ATP13A4: variants seen among roughly 807,000 people sequenced by gnomAD.
ATP13A4 encodes the protein probable cation-transporting ATPase 13A4.
ATP13A4 carries 114 observed loss-of-function variants against 142.5 expected under a neutral mutation model. That is an observed-to-expected ratio of 0.80 (90% CI 0.69 to 0.93). The LOEUF is 0.93. Among genes scored for constraint, ATP13A4 ranks in the 40% least tolerant of loss-of-function variants. The pLI, the probability that ATP13A4 is intolerant of heterozygous loss-of-function variation, is 0.00. For missense variants in ATP13A4, 1,392 were observed against 1,454.0 expected (o/e 0.96, Z 0.69); for synonymous variants, 488 against 514.8 (o/e 0.95, Z 0.70).
chr3:193,450,796 C>T (rs908733568), intron 17 of ATP13A4, among the ~76,000 whole-genome samples: 2 of 152,246 alleles, frequency 1.3e-5, no homozygotes, highest in Middle Eastern at 3.4e-3. Flanking sequence ...TCTGAGCCCC[C>T]GTCCCATCTA....
rs901542725 is a variant in ATP13A4 at position 193,457,712 on chromosome 3, T to C, written c.1675-247A>G. 3.3e-5 allele frequency among the ~76,000 whole-genome samples: 5 copies of C among 152,262 alleles called. No homozygotes were observed. In the East Asian group the frequency reaches 5.8e-4, roughly 18 times the overall value. On this transcript the variant is annotated intron_variant, in intron 14 of 29. Transcript: ENST00000342695. ...ATTTATCTTGTTTTCTCTGTTGGAA[T>C]GTGCTGTGTAAAGGCTCAGTCTCCA...
At chr3:193,538,495 A>AT (rs1722703018) in intron 1 of ATP13A4, among the ~76,000 whole-genome samples, 2 of 140,966 alleles carry the variant, frequency 1.4e-5, no homozygotes, top group Admixed American at 7.0e-5. Context: ...AAGAATCCAC[A>AT]TTAAAAAAAA....
Position 193,435,717 on chromosome 3 carries a change from G to A in ATP13A4, c.2700C>T (p.Ser900=). ...GAGCCATGTACTTAAACATGCAAAAGGAGGTAACGAGAGCTGCACGTCCTT... is the reference window on the plus strand; with the variant it reads ...GAGCCATGTACTTAAACATGCAAAAAGAGGTAACGAGAGCTGCACGTCCTT... ...IKEGRAALVT[S]FCMFKYMALY... is the part of the protein sequence containing the mutation. The change falls in exon 24 of 30, where the codon TCC becomes TCT. Residue 900 remains serine (S), a synonymous_variant. Coordinates refer to ENST00000342695, the MANE Select transcript of ATP13A4 (RefSeq NM_032279.4). 6.2e-7 allele frequency: 1 copy of A among 1,613,994 alleles called. No homozygotes were observed. The highest frequency in any genetic ancestry group is 8.5e-7 in the Non-Finnish European group (1 of 1,179,920).
intron 8 of ATP13A4, among the ~76,000 whole-genome samples, chr3:193,481,788 G>A (rs1479002218): frequency 6.6e-6 from 1 of 152,104 alleles, no homozygotes; most frequent in African/African-American, 2.4e-5. Flanking sequence ...AATCTTATTT[G>A]TGACCATTGT....
chr3:193,542,815 T>C (rs941738885), intron 1 of ATP13A4, among the ~76,000 whole-genome samples: 9 of 152,160 alleles, frequency 5.9e-5, no homozygotes, highest in African/African-American at 2.2e-4. Flanking sequence ...TTACACCTTA[T>C]ACAAAAATTA....
chr3:193,533,431 T>C (rs1334799278), intron 1 of ATP13A4, among the ~76,000 whole-genome samples: 1 of 152,106 alleles, frequency 6.6e-6, no homozygotes, highest in African/African-American at 2.4e-5. Context: ...TGCCAGCATA[T>C]GTTGCTCTAA....
intron 24 of ATP13A4, among the ~76,000 whole-genome samples, chr3:193,434,453 C>T (rs1321669389): frequency 6.6e-6 from 1 of 152,160 alleles, no homozygotes; most frequent in African/African-American, 2.4e-5. Context: ...TTAAGAAACT[C>T]ACTCACTTTC....
chr3:193,524,003 T>C (rs1721868787), intron 1 of ATP13A4, among the ~76,000 whole-genome samples: 1 of 152,210 alleles, frequency 6.6e-6, no homozygotes, highest in Non-Finnish European at 1.5e-5. Flanking sequence ...ACTTCCCTTC[T>C]GCTTTCCATC....
chr3:193,429,537 G>T (rs552486287), intron 25 of ATP13A4, among the ~76,000 whole-genome samples: 1 of 152,162 alleles, frequency 6.6e-6, no homozygotes, highest in Non-Finnish European at 1.5e-5. Flanking sequence ...GGTACAAACT[G>T]CCTGACTTCA....
rs377390692 is a variant in ATP13A4 at position 193,466,035 on chromosome 3, A to G, written c.1262T>C (p.Val421Ala). The G allele has an allele frequency of 1.9e-6, 3 of 1,614,136 alleles. No individual in the cohort carries two copies. The highest frequency in any genetic ancestry group is 2.7e-5 in the African/African-American group (2 of 75,056). Residue 421 changes from valine (V) to alanine (A), a missense_variant, in exon 11 of 30, where the codon GTG becomes GCG. By Grantham distance (64) the Val-to-Ala change is moderately conservative (BLOSUM62 0). Transcript: ENST00000342695. ...GCAAAGACAGCTTACCCCACTAAGC[A>G]CATAGACACACAGAGTATAGATCAT... ...IGMIYTLCVY[V>A]LSGEPPEEVV... is the part of the protein sequence containing the mutation.
rs1560163720 is a variant in ATP13A4 at position 193,399,866 on chromosome 3, A to AAAAC, written c.*2785_*2786insGTTT. ...ATCTCAAAAAAAAAAAAAAAAAAAA[A>AAAAC]AGGTTCACATCACAGCATAAGACTG... On this transcript the variant is annotated 3_prime_UTR_variant, in exon 30 of 30. Coordinates refer to ENST00000342695, the MANE Select transcript of ATP13A4 (RefSeq NM_032279.4). 6.7e-6 allele frequency among the ~76,000 whole-genome samples: 1 copy of AAAAC among 149,886 alleles called. No homozygotes were observed. Among genetic ancestry groups the AAAAC allele is most frequent in the Non-Finnish European group, 1.5e-5 (1 of 67,586 alleles).
chr3:193,497,211 A>G (rs1351487779), intron 3 of ATP13A4, among the ~76,000 whole-genome samples: 1 of 152,226 alleles, frequency 6.6e-6, no homozygotes, highest in Non-Finnish European at 1.5e-5. Context: ...AGGAACTCAA[A>G]AAACTCAAGA....
At chr3:193,561,296 G>C (rs1027061087) in intron 2 of ATP13A4, among the ~76,000 whole-genome samples, 1 of 152,246 alleles carries the variant, frequency 6.6e-6, no homozygotes, top group Admixed American at 6.5e-5. Context: ...ACTGGGCTGA[G>C]GCCCCTGGGG....
At position 193,514,737 on chromosome 3, in the gene ATP13A4, A is replaced by C; in HGVS notation, c.195T>G (p.Cys65Trp). 1 of 1,614,206 alleles carries C rather than the reference A, an allele frequency of 6.2e-7. No individual in the cohort carries two copies. Among genetic ancestry groups the C allele is most frequent in the South Asian group, 1.1e-5 (1 of 91,078 alleles). ...AWHVWAHCVP[C>W]SLQEADTVLL... ...ACACAGTGTCTGCTTCTTGCAAGGA[A>C]CATGGGACACAATGTGCCCATACGT... The change falls in exon 2 of 30, where the codon TGT (cysteine) becomes TGG (tryptophan). Residue 65 changes from cysteine (C) to tryptophan (W), a missense_variant. Transcript: ENST00000342695.
Position 193,412,370 on chromosome 3 carries a change from C to A in ATP13A4, c.3016G>T (p.Ala1006Ser). The A allele has an allele frequency of 1.2e-6, 2 of 1,613,902 alleles. No homozygotes were observed. The highest frequency in any genetic ancestry group is 8.5e-7 in the Non-Finnish European group (1 of 1,179,936). Reference protein sequence around the residue: ...QPWYSVEIHSACTVQNESISE... With the variant: ...QPWYSVEIHSSCTVQNESISE... ...ATGCTTTCATTTTGTACTGTGCAGGCACTAAAAGGGAAAACCAAAGAAGCT... is the reference window on the plus strand; with the variant it reads ...ATGCTTTCATTTTGTACTGTGCAGGAACTAAAAGGGAAAACCAAAGAAGCT... The change falls in exon 27 of 30, where the codon GCC becomes TCC. Residue 1006 changes from alanine (A) to serine (S), a missense_variant and splice_region_variant. By Grantham distance (99) the Ala-to-Ser change is moderately conservative (BLOSUM62 1). Transcript: ENST00000342695.
At position 193,418,855 on chromosome 3, in the gene ATP13A4, C is replaced by T. The variant is rs1715259784; in HGVS notation, c.2843-4105G>A. The T allele has an allele frequency of 2.7e-5, 4 of 150,524 alleles. 1 individual carries two copies. The Admixed American group carries it at 2.7e-4, about 10-fold the overall frequency. The allele number at this position is 150,524 out of a possible 1,614,324, so 9.3% of individuals were successfully genotyped here. ...CTCTGAGGGCAAGTGGCATGACCCCCTACCAGCCTTGAGGCTTAACGGCTG... is the reference window on the plus strand; with the variant it reads ...CTCTGAGGGCAAGTGGCATGACCCCTTACCAGCCTTGAGGCTTAACGGCTG... On this transcript the variant is annotated intron_variant, in intron 25 of 29. Coordinates refer to ENST00000342695, the MANE Select transcript of ATP13A4 (RefSeq NM_032279.4).
chr3:193,458,440 T>C (rs1717764300), intron 14 of ATP13A4, among the ~76,000 whole-genome samples: 1 of 152,200 alleles, frequency 6.6e-6, no homozygotes, highest in South Asian at 2.1e-4. Context: ...TTTATGGTCA[T>C]GAGAGCCAAA....
intron 1 of ATP13A4, among the ~76,000 whole-genome samples, chr3:193,530,127 T>C (rs1722233804): frequency 6.6e-6 from 1 of 152,202 alleles, no homozygotes; most frequent in African/African-American, 2.4e-5. Flanking sequence ...AATGAATATG[T>C]CCTATAACTA....
intron 6 of ATP13A4, among the ~76,000 whole-genome samples, chr3:193,490,656 G>T (rs1338337961): frequency 6.6e-6 from 1 of 152,132 alleles, no homozygotes; most frequent in Non-Finnish European, 1.5e-5. Context: ...CTTTCTTCTG[G>T]TTAGAAAGGC....
Sources: gnomAD v4.1 joint callset for allele counts (sites outside exome capture counted in the v4.1 genomes callset) on GRCh38, gnomAD v4.1.1 for gene constraint, MANE v1.5 for transcripts, NCBI Gene and HGNC (gene_info 2026-07-23, HGNC 2026-07-21) for gene names.